The following CCNQ variants were observed in gnomAD, a reference collection of about 807,000 sequenced individuals.
The protein encoded by CCNQ is cyclin-Q.
Under a neutral mutation model 17.7 loss-of-function variants are expected in CCNQ, and 3 were observed. That is an observed-to-expected ratio of 0.17 (90% CI 0.08 to 0.44). The LOEUF is 0.44. Ranked by LOEUF, CCNQ falls within the 20% of genes least tolerant of loss-of-function variation. CCNQ has a pLI of 0.99. For synonymous variants in CCNQ, 73 were observed against 96.0 expected (o/e 0.76, Z 1.40); for missense variants, 146 against 222.6 (o/e 0.66, Z 2.19).
At chrX:153,598,095 C>A (rs782485154) in intron 1 of CCNQ, among the ~76,000 whole-genome samples, 26 of 111,179 alleles carry the variant, frequency 2.3e-4, no homozygotes, top group Non-Finnish European at 4.0e-4. Flanking sequence ...AATAACTACC[C>A]GCCAACTAAC....
chrX:153,592,612 A>C lies in CCNQ; in HGVS notation c.551T>G (p.Leu184Arg). ...LRDSYHGALC[L>R]RFQAQHIAVA... ...GGCGATGTGCTGGGCCTGGAAGCGG[A>C]GGCACAGCGCCCCATGGTAGCTGTC... Residue 184 changes from leucine (L) to arginine (R), a missense_variant, in exon 4 of 5, where the codon CTC becomes CGC. Coordinates refer to ENST00000576892, the MANE Select transcript of CCNQ (RefSeq NM_152274.5). 8.3e-7 allele frequency: 1 copy of C among 1,211,255 alleles called. No homozygotes were observed. The highest frequency in any genetic ancestry group is 1.1e-6 in the Non-Finnish European group (1 of 895,140).
intron 1 of CCNQ, among the ~76,000 whole-genome samples, chrX:153,598,454 G>C (rs2091043468): frequency 8.9e-6 from 1 of 112,402 alleles, no homozygotes; most frequent in Non-Finnish European, 1.9e-5. Context: ...GGATGGAAAC[G>C]ATGTTTCTAC....
chrX:153,588,900 G>T (rs916477254), intron 4 of CCNQ, among the ~76,000 whole-genome samples: 2 of 112,892 alleles, frequency 1.8e-5, no homozygotes, highest in Non-Finnish European at 3.8e-5. Context: ...GGAGCATGTG[G>T]ACCCACTCCA....
rs1419878030 is a variant in CCNQ, at chrX:153,599,137, G to A, written c.-64C>T. On this transcript the variant is annotated 5_prime_UTR_variant, in exon 1 of 5. Coordinates refer to ENST00000576892, the MANE Select transcript of CCNQ (RefSeq NM_152274.5). ...GCGCGCAGAAGCCGGCAGAACTGGA[G>A]GTGCTCGCGGCGGGCGCTGCCGCCC... is the stretch of plus-strand genomic sequence containing the variant. The A allele has an allele frequency of 9.2e-6, 5 of 544,774 alleles. No individual in the cohort carries two copies. Among genetic ancestry groups the A allele is most frequent in the African/African-American group, 2.6e-5 (1 of 38,295 alleles). 44.9% of individuals were successfully genotyped at this position (544,774 alleles called of 1,213,427 possible).
chrX:153,599,029 GC>G lies in CCNQ; in HGVS notation c.44del (p.Gly15AlafsTer27), dbSNP rs781814133. On this transcript the variant is annotated frameshift_variant, in exon 1 of 5. Transcript: ENST00000576892. LOFTEE classifies it high-confidence loss of function. ...CTTCGGGCGCCGGCTGCCCCTCCGG[GC>G]CCCGCGCTGCAGGCCCCCCTCCGCC... ...EGGGGGPAAR[G>X]PEGQPAPEAR... 9.0e-7 allele frequency: 1 copy of G among 1,106,451 alleles called. No individual in the cohort carries two copies. Among genetic ancestry groups the G allele is most frequent in the Admixed American group, 3.0e-5 (1 of 33,654 alleles). The allele number at this position is 1,106,451 out of a possible 1,213,427, so 91.2% of individuals were successfully genotyped here.
chrX:153,589,886 C>T (rs1003319989), intron 4 of CCNQ, among the ~76,000 whole-genome samples: 28 of 111,489 alleles, frequency 2.5e-4, no homozygotes, highest in African/African-American at 7.5e-4. Context: ...TGCTGGGGTC[C>T]ATGACCTGTG....
chrX:153,599,062 C>T lies in CCNQ; in HGVS notation c.12G>A (p.Pro4=), dbSNP rs1603166534. 2.9e-6 allele frequency: 3 copies of T among 1,051,597 alleles called. No homozygotes were observed. The highest frequency in any genetic ancestry group is 3.7e-6 in the Non-Finnish European group (3 of 815,846). 86.7% of individuals were successfully genotyped at this position (1,051,597 alleles called of 1,213,427 possible). ...CTGCAGGCCCCCCTCCGCCGCCCTC[C>T]GGGGCTTCCATGAGGCGCCGCGGCA... MEA[P]EGGGGGPAAR... Residue 4 remains proline, a synonymous_variant, in exon 1 of 5, where the codon CCG becomes CCA. Coordinates refer to ENST00000576892, the MANE Select transcript of CCNQ (RefSeq NM_152274.5).
chrX:153,596,651 C>T (rs1301868073), intron 1 of CCNQ, among the ~76,000 whole-genome samples: 3 of 112,902 alleles, frequency 2.7e-5, no homozygotes, highest in Non-Finnish European at 5.6e-5. Context: ...AGAAAAGAAA[C>T]GGCCTCGTGG....
At chrX:153,592,840 AG>A (rs1385424801) in intron 3 of CCNQ, 107 bp from the exon 4 acceptor site, 16 of 764,456 alleles carry the variant, frequency 2.1e-5, no homozygotes, top group Non-Finnish European at 2.7e-5. Flanking sequence ...CATGTCCCTC[AG>A]GAAGAAGCCC....
At chrX:153,598,614 C>G (rs1252740955) in intron 1 of CCNQ, among the ~76,000 whole-genome samples, 2 of 113,177 alleles carry the variant, frequency 1.8e-5, no homozygotes, top group Non-Finnish European at 3.8e-5. Context: ...AGGCTCCGCG[C>G]GACTAAGCGC....
In CCNQ at chrX:153,588,245, C is replaced by G; in HGVS notation, c.*120G>C. 1 of 622,376 alleles carries G rather than the reference C, an allele frequency of 1.6e-6. No homozygotes were observed. 51.3% of individuals were successfully genotyped at this position (622,376 alleles called of 1,213,427 possible). On this transcript the variant is annotated 3_prime_UTR_variant, in exon 5 of 5. Coordinates refer to ENST00000576892, the MANE Select transcript of CCNQ (RefSeq NM_152274.5). Reference sequence around the variant, plus strand: ...ATTGCCTTCTCCAGCCCTTCTCCAGCAGCACAACCAGTCCTCCCAGCTGGT... The same window carrying G: ...ATTGCCTTCTCCAGCCCTTCTCCAGGAGCACAACCAGTCCTCCCAGCTGGT...
intron 4 of CCNQ, among the ~76,000 whole-genome samples, chrX:153,589,200 G>A (rs2090974223): frequency 8.9e-6 from 1 of 112,987 alleles, no homozygotes; most frequent in African/African-American, 3.2e-5. Context: ...GATCTCTGGT[G>A]GCTGCAGCCC....
chrX:153,588,554 G>A, intron 4 of CCNQ, 100 bp from the exon 5 acceptor site: 1 of 640,447 alleles, frequency 1.6e-6, no homozygotes, highest in Non-Finnish European at 2.6e-6. Flanking sequence ...GCAGGGGAGG[G>A]GCACAGGGAC....
chrX:153,588,825 G>A (rs2090971415), intron 4 of CCNQ, among the ~76,000 whole-genome samples: 1 of 112,992 alleles, frequency 8.9e-6, no homozygotes, highest in Non-Finnish European at 1.9e-5. Flanking sequence ...GAGGGTGGCA[G>A]TCCCTGTGCA....
chrX:153,593,010 G>A (rs192228510), intron 3 of CCNQ, among the ~76,000 whole-genome samples: 14 of 111,759 alleles, frequency 1.3e-4, no homozygotes, highest in Admixed American at 6.6e-4. Context: ...GGAAACCTAC[G>A]AGGGCCACCC....
At chrX:153,598,655 G>A (rs1645030399) in intron 1 of CCNQ, among the ~76,000 whole-genome samples, 1 of 112,981 alleles carries the variant, frequency 8.9e-6, no homozygotes, top group Admixed American at 9.2e-5. Context: ...AGGGCCGCGG[G>A]TGCCGGCAGA....
chrX:153,597,578 A>T (rs2091036721), intron 1 of CCNQ: 1 of 111,843 alleles, frequency 8.9e-6, no homozygotes, highest in African/African-American at 3.3e-5. Context: ...ACACCCAGAT[A>T]ATCTAGGATG....
At chrX:153,592,273 C>T (rs927216065) in intron 4 of CCNQ, among the ~76,000 whole-genome samples, 1 of 113,128 alleles carries the variant, frequency 8.8e-6, no homozygotes, top group African/African-American at 3.2e-5. Context: ...GGGACACCGG[C>T]GACGTCGGTG....
In CCNQ at chrX:153,596,170, G is replaced by A. The variant is rs781948889; in HGVS notation, c.130C>T (p.Arg44Trp). The A allele has an allele frequency of 9.1e-6, 11 of 1,210,583 alleles. No individual in the cohort carries two copies. Among genetic ancestry groups the A allele is most frequent in the South Asian group, 5.3e-5 (3 of 56,892 alleles). ...IMEAGVKLGM[R>W]SIPIATACTI... is the part of the protein sequence containing the mutation. ...CAAGCAGTGGCAATGGGAATGGACCGCATCCCTAGCTTGACACCTGCGGAG... is the reference window on the plus strand; with the variant it reads ...CAAGCAGTGGCAATGGGAATGGACCACATCCCTAGCTTGACACCTGCGGAG... The change falls in exon 2 of 5, where the codon CGG (arginine) becomes TGG (tryptophan). Residue 44 changes from arginine (R) to tryptophan (W), a missense_variant. Transcript: ENST00000576892.
Sources: gnomAD v4.1 joint callset for allele counts (sites outside exome capture counted in the v4.1 genomes callset) on GRCh38, gnomAD v4.1.1 for gene constraint, MANE v1.5 for transcripts, NCBI Gene and HGNC (gene_info 2026-07-23, HGNC 2026-07-21) for gene names.